FHOD1: variants seen among roughly 807,000 people sequenced by gnomAD.
The protein encoded by FHOD1 is formin homology 2 domain containing 1.
In FHOD1, 89 loss-of-function variants were observed where a neutral mutation model predicts 111.6. The ratio of observed to expected loss-of-function variants is 0.80; its 90% CI spans 0.67 to 0.95. FHOD1 has a LOEUF of 0.95. FHOD1 is among the 40% of genes least tolerant of loss of function. The pLI, the probability that FHOD1 is intolerant of heterozygous loss-of-function variation, is 0.00. For synonymous variants in FHOD1, 618 were observed against 639.0 expected, an observed-to-expected ratio of 0.97 and a Z score of 0.50; for missense variants, 1,446 against 1,554.2, an observed-to-expected ratio of 0.93 and a Z score of 1.17.
At position 67,233,728 on chromosome 16, in the gene FHOD1, G is replaced by A; in HGVS notation, c.1975C>T (p.Pro659Ser). The change falls in exon 13 of 22, where the codon CCT (proline) becomes TCT (serine). Residue 659 changes from proline (P) to serine (S), a missense_variant. This residue lies in a region of FHOD1 where 1,085 missense variants were observed against 1,108.8 expected (regional missense o/e 0.98). Transcript: ENST00000258201. ...PCATLWASLD[P>S]VSVDTARLEH... ...AGTCGGGCCGTGTCCACTGAGACAGGGTCCAGTGAAGCCCAGAGGGTGGCG... is the reference window on the plus strand; with the variant it reads ...AGTCGGGCCGTGTCCACTGAGACAGAGTCCAGTGAAGCCCAGAGGGTGGCG... 6.2e-7 allele frequency: 1 copy of A among 1,613,152 alleles called. No individual in the cohort carries two copies. Among genetic ancestry groups the A allele is most frequent in the Non-Finnish European group, 8.5e-7 (1 of 1,179,324 alleles).
intron 1 of FHOD1, among the ~76,000 whole-genome samples, chr16:67,244,634 C>T (rs1452048756): frequency 6.6e-6 from 1 of 152,088 alleles, no homozygotes; most frequent in African/African-American, 2.4e-5. Context: ...TGGGTGGAGT[C>T]CCAGGGAGAA....
chr16:67,232,427 G>A (rs2034315419), intron 13 of FHOD1, among the ~76,000 whole-genome samples: 1 of 151,176 alleles, frequency 6.6e-6, no homozygotes, highest in Non-Finnish European at 1.5e-5. Context: ...GCTGAGGCAG[G>A]AGAATGGCGT....
In FHOD1 at chr16:67,236,854, G is replaced by A. The variant is rs557023879; in HGVS notation, c.1142+112C>T. 6 of 1,444,110 alleles carry A rather than the reference G, an allele frequency of 4.2e-6. No individual in the cohort carries two copies. The East Asian group carries it at 9.3e-5, about 22-fold the overall frequency. 89.5% of individuals were successfully genotyped at this position (1,444,110 alleles called of 1,614,324 possible). ...CGGTAGGGCAGGCCCAGTGGAGGAGGTGGGGGCTGTCTGTGGGGCGGGGCC... is the reference window on the plus strand; with the variant it reads ...CGGTAGGGCAGGCCCAGTGGAGGAGATGGGGGCTGTCTGTGGGGCGGGGCC... On this transcript the variant is annotated intron_variant, in intron 10 of 21. Transcript: ENST00000258201.
In FHOD1 at chr16:67,238,000, C is replaced by T. The variant is rs756274266; in HGVS notation, c.642+34G>A. ...CTGAGGCCCAGAGAGAAGCAACAGG[C>T]AAAGGGTATAAGGCTGAGTGGAGAG... is the stretch of plus-strand genomic sequence containing the variant. On this transcript the variant is annotated intron_variant, in intron 6 of 21. Coordinates refer to ENST00000258201, the MANE Select transcript of FHOD1 (RefSeq NM_013241.3). The surrounding 1 kb of genome is among the most constrained non-coding windows in gnomAD (Gnocchi z 5.6). 76 of 1,602,266 alleles carry T rather than the reference C, an allele frequency of 4.7e-5. No homozygotes were observed. The highest frequency in any genetic ancestry group is 6.5e-5 in the Non-Finnish European group (76 of 1,170,418).
In FHOD1 at chr16:67,232,204, T is replaced by A. The variant is rs754644846; in HGVS notation, c.2047-10A>T. ...GGCCCTCTCCAGCTTTCTGCATGGT[T>A]GGGGGAAGGGCAGTGTAAGACTGAG... On this transcript the variant is annotated splice_polypyrimidine_tract_variant and intron_variant, in intron 13 of 21. Coordinates refer to ENST00000258201, the MANE Select transcript of FHOD1 (RefSeq NM_013241.3). 1.1e-5 allele frequency: 17 copies of A among 1,613,728 alleles called. No homozygotes were observed. Among genetic ancestry groups the A allele is most frequent in the Non-Finnish European group, 8.5e-7 (1 of 1,179,954 alleles).
chr16:67,247,373 A>C lies in FHOD1; in HGVS notation c.38T>G (p.Val13Gly). The change falls in exon 1 of 22, where the codon GTA becomes GGA. Residue 13 changes from valine (V) to glycine (G), a missense_variant. Physicochemically the swap from Val to Gly is moderately radical, Grantham distance 109 (BLOSUM62 -3). Coordinates refer to ENST00000258201, the MANE Select transcript of FHOD1 (RefSeq NM_013241.3). ...GGEDRGDGEPVSVVTVRVQYL... is the reference protein window; with the variant it reads ...GGEDRGDGEPGSVVTVRVQYL... ...CTGCACCCTCACGGTCACCACTGATACCGGCTCTCCGTCCCCGCGGTCTTC... is the reference window on the plus strand; with the variant it reads ...CTGCACCCTCACGGTCACCACTGATCCCGGCTCTCCGTCCCCGCGGTCTTC... 1 of 1,613,310 alleles carries C rather than the reference A, an allele frequency of 6.2e-7. No individual in the cohort carries two copies.
At chr16:67,236,905 C>A in intron 10 of FHOD1, 61 bp downstream of exon 10, 1 of 1,526,694 alleles carries the variant, frequency 6.6e-7, no homozygotes. Flanking sequence ...CAGGGCCTGT[C>A]AGCTCACTGG....
In FHOD1 at chr16:67,238,062, T is replaced by C. The variant is rs1390401508; in HGVS notation, c.614A>G (p.Gln205Arg). The C allele has an allele frequency of 6.2e-7, 1 of 1,614,244 alleles. No homozygotes were observed. The highest frequency in any genetic ancestry group is 1.3e-5 in the African/African-American group (1 of 75,068). Residue 205 changes from glutamine (Q) to arginine (R), a missense_variant, in exon 6 of 22, where the codon CAG becomes CGG. By Grantham distance (43) the Gln-to-Arg change is conservative. Coordinates refer to ENST00000258201, the MANE Select transcript of FHOD1 (RefSeq NM_013241.3). This position sits in a 1 kb window ranked among gnomAD's most constrained non-coding sequence, Gnocchi z 4.2. ...LGVVAHSDTI[Q>R]WLYTLCASLS... The stretch of plus-strand genomic sequence containing the variant: ...GCTGGCACACAATGTGTACAGCCAC[T>C]GAATAGTGTCACTGTGGGCCACCAC...
At chr16:67,242,131 G>C (rs954046103) in intron 1 of FHOD1, among the ~76,000 whole-genome samples, 13 of 152,110 alleles carry the variant, frequency 8.5e-5, no homozygotes, top group Admixed American at 6.6e-5. Context: ...ACCATGCCTG[G>C]CTAATTTTTG....
At chr16:67,246,399 A>C (rs1038992305) in intron 1 of FHOD1, among the ~76,000 whole-genome samples, 1 of 152,126 alleles carries the variant, frequency 6.6e-6, no homozygotes, top group Non-Finnish European at 1.5e-5. Flanking sequence ...CGGGGGGCTG[A>C]CGGCGGCGAG....
At position 67,231,101 on chromosome 16, in the gene FHOD1, A is replaced by G. The variant is rs1277319459; in HGVS notation, c.2667+87T>C. 6.5e-7 allele frequency: 1 copy of G among 1,539,794 alleles called. No individual in the cohort carries two copies. The highest frequency in any genetic ancestry group is 8.8e-7 in the Non-Finnish European group (1 of 1,132,918). On this transcript the variant is annotated intron_variant, in intron 17 of 21. Transcript: ENST00000258201. This position sits in a 1 kb window ranked among gnomAD's most constrained non-coding sequence, Gnocchi z 4.3. Reference sequence around the variant, plus strand: ...GGAGCAAGCCCTGGCACAGCAGCCCAAATGGGGAGAAGGGGGAGGAGCCAG... The same window carrying G: ...GGAGCAAGCCCTGGCACAGCAGCCCGAATGGGGAGAAGGGGGAGGAGCCAG...
At chr16:67,246,311 T>A (rs2034827973) in intron 1 of FHOD1, among the ~76,000 whole-genome samples, 1 of 152,120 alleles carries the variant, frequency 6.6e-6, no homozygotes, top group Non-Finnish European at 1.5e-5. Flanking sequence ...GCGGCCGGGC[T>A]GGTGGGGAGC....
Position 67,230,175 on chromosome 16 carries a change from T to C in FHOD1, c.3105A>G (p.Pro1035=). 1 of 1,614,066 alleles carries C rather than the reference T, an allele frequency of 6.2e-7. No individual in the cohort carries two copies. The highest frequency in any genetic ancestry group is 8.5e-7 in the Non-Finnish European group (1 of 1,179,968). Reference sequence around the variant, plus strand: ...GGCCTGGCCCGCTGCTCACTGCTACTGGGACAGAGGGGTTGCTGGGGGCTT... The same window carrying C: ...GGCCTGGCCCGCTGCTCACTGCTACCGGGACAGAGGGGTTGCTGGGGGCTT... The part of the protein sequence containing the change: ...AGEAPSNPSV[P]VAVSSGPGRG... The change falls in exon 20 of 22, where the codon CCA becomes CCG. Residue 1035 remains proline (P), a synonymous_variant. Coordinates refer to ENST00000258201, the MANE Select transcript of FHOD1 (RefSeq NM_013241.3).
rs867548759 is a variant in FHOD1, at chr16:67,230,212, C to A, written c.3068G>T (p.Gly1023Val). ...GTTGCTGGGGGCTTCCCCAGCCACACCTGAGAACTTCTCTGTCTGGAGAAA... is the reference window on the plus strand; with the variant it reads ...GTTGCTGGGGGCTTCCCCAGCCACAACTGAGAACTTCTCTGTCTGGAGAAA... ...RMITETEKFS[G>V]VAGEAPSNPS... is the part of the protein sequence containing the mutation. Residue 1023 changes from glycine (G) to valine (V), a missense_variant, in exon 20 of 22, where the codon GGT becomes GTT. This residue lies in a region of FHOD1 where 1,085 missense variants were observed against 1,108.8 expected (regional missense o/e 0.98). Transcript: ENST00000258201. 1 of 1,613,986 alleles carries A rather than the reference C, an allele frequency of 6.2e-7. No homozygotes were observed. Among genetic ancestry groups the A allele is most frequent in the East Asian group, 2.2e-5 (1 of 44,876 alleles).
Position 67,238,756 on chromosome 16 carries a change from G to A in FHOD1, c.373+147C>T. The A allele has an allele frequency of 1.3e-6, 1 of 776,282 alleles. No homozygotes were observed. Among genetic ancestry groups the A allele is most frequent in the East Asian group, 2.6e-5 (1 of 37,754 alleles). The allele number at this position is 776,282 out of a possible 1,614,324, so 48.1% of individuals were successfully genotyped here. A position where few individuals can be genotyped will look rare whatever the true frequency, so the allele number is the denominator to read the frequency against. On this transcript the variant is annotated intron_variant, in intron 3 of 21. Coordinates refer to ENST00000258201, the MANE Select transcript of FHOD1 (RefSeq NM_013241.3). This position sits in a 1 kb window ranked among gnomAD's most constrained non-coding sequence, Gnocchi z 4.2. ...TGAATCCCCCTCCACTCCCACCATG[G>A]CCCTGGAAGAAGAGGTCAGGATAGG...
At chr16:67,239,190 A>C (rs1392544656) in intron 2 of FHOD1, among the ~76,000 whole-genome samples, 158 bp downstream of exon 2, 1 of 152,208 alleles carries the variant, frequency 6.6e-6, no homozygotes, top group African/African-American at 2.4e-5. Flanking sequence ...GCAGCAGGTA[A>C]CACTGGCCAG....
chr16:67,230,908 A>C, intron 17 of FHOD1, 117 bp from the exon 18 acceptor site: 2 of 1,126,998 alleles, frequency 1.8e-6, no homozygotes, highest in Non-Finnish European at 2.5e-6. Context: ...AGACATCCAA[A>C]TCTCATAGAC....
At position 67,247,344 on chromosome 16, in the gene FHOD1, G is replaced by A. The variant is rs745712930; in HGVS notation, c.67C>T (p.Leu23=). 1 of 1,613,712 alleles carries A rather than the reference G, an allele frequency of 6.2e-7. No individual in the cohort carries two copies. The highest frequency in any genetic ancestry group is 8.5e-7 in the Non-Finnish European group (1 of 1,179,844). ...VSVVTVRVQY[L]EDTDPFACAN... ...CATGCGAAGGGGTCGGTGTCTTCCA[G>A]GTACTGCACCCTCACGGTCACCACT... The change falls in exon 1 of 22, where the codon CTG becomes TTG. Residue 23 remains leucine (L), a synonymous_variant. Coordinates refer to ENST00000258201, the MANE Select transcript of FHOD1 (RefSeq NM_013241.3).
chr16:67,231,422 T>C lies in FHOD1; in HGVS notation c.2505+8A>G, dbSNP rs909003517. The C allele has an allele frequency of 1.9e-6, 3 of 1,613,908 alleles. No individual in the cohort carries two copies. The highest frequency in any genetic ancestry group is 2.5e-6 in the Non-Finnish European group (3 of 1,179,942). On this transcript the variant is annotated splice_region_variant and intron_variant, in intron 16 of 21. Transcript: ENST00000258201. The surrounding 1 kb of genome is among the most constrained non-coding windows in gnomAD (Gnocchi z 4.3). ...GACTCCCCCTAGTCCCCATGTACTC[T>C]CACTCACCTGGGAGCCATTGAGGAA...
Sources: allele counts gnomAD v4.1 joint callset (sites outside exome capture counted in the v4.1 genomes callset), GRCh38; gene constraint gnomAD v4.1.1; regional missense constraint gnomAD v4.1.1; non-coding constraint Gnocchi (gnomAD v3.1); transcripts MANE v1.5; gene names NCBI Gene and HGNC (gene_info 2026-07-23, HGNC 2026-07-21).